DPP7: variants seen among roughly 807,000 people sequenced by gnomAD.
DPP7 encodes dipeptidyl peptidase 2.
Under a neutral mutation model 58.8 loss-of-function variants are expected in DPP7, and 74 were observed. The observed-to-expected ratio is 1.26, with a 90% CI of 1.04 to 1.53. The LOEUF is 1.53. Among genes scored for constraint, DPP7 ranks in the 40% most tolerant of loss-of-function variants. The pLI, the probability that DPP7 is intolerant of heterozygous loss-of-function variation, is 0.00. For synonymous variants in DPP7, 350 were observed against 303.6 expected (o/e 1.15, Z -1.59); for missense variants, 807 against 692.3 (o/e 1.17, Z -1.86).
intron 10 of DPP7, 32 bp downstream of exon 10, chr9:137,111,838 AAGC>A (rs1332586796): frequency 3.1e-6 from 5 of 1,612,244 alleles, no homozygotes; most frequent in Middle Eastern, 1.6e-4. Context: ...TCGGGGCAGA[AAGC>A]AGGACGCTGG....
rs578202831 is a variant in DPP7 at position 137,114,234 on chromosome 9, G to C, written c.321+9C>G. 6.0e-6 allele frequency: 9 copies of C among 1,506,226 alleles called. 1 individual carries two copies. The East Asian group carries it at 2.5e-4, about 42-fold the overall frequency. The allele number at this position is 1,506,226 out of a possible 1,614,324, so 93.3% of individuals were successfully genotyped here. ...CGCGACCCCGCCCGCGACCCCGCCC[G>C]GCACCCACGTGCTCCGCGAAGACCA... On this transcript the variant is annotated intron_variant, in intron 3 of 12. Transcript: ENST00000371579.
upstream of DPP7, among the ~76,000 whole-genome samples, chr9:137,116,093 G>A (rs1490145975): frequency 2.6e-5 from 4 of 152,150 alleles, no homozygotes; most frequent in African/African-American, 4.8e-5. Context: ...GACGCTCCAG[G>A]CTTGGCTGGG....
At position 137,112,824 on chromosome 9, in the gene DPP7, G is replaced by A. The variant is rs75417246; in HGVS notation, c.871-19C>T. The A allele has an allele frequency of 6.1e-4, 986 of 1,607,944 alleles. 5 individuals are homozygous for A. The African/African-American group carries it at 0.011, about 19-fold the overall frequency. On this transcript the variant is annotated intron_variant, in intron 7 of 12. Transcript: ENST00000371579. The stretch of plus-strand genomic sequence containing the variant: ...AGCCCACCTGGAGTGCAGGGGCAGC[G>A]GCGACTCAGCGGGGTCCCCTCCACC...
At chr9:137,114,763 G>T, upstream of DPP7, 1 of 1,237,786 alleles carries the variant, frequency 8.1e-7, no homozygotes, top group Non-Finnish European at 1.0e-6. Context: ...GGGGCCGCCA[G>T]GGCGCGCTCC....
Position 137,110,980 on chromosome 9 carries a change from T to A in DPP7, c.1273-30A>T, listed in dbSNP as rs756485972. The A allele has an allele frequency of 4.8e-5, 78 of 1,608,484 alleles. 2 individuals carry two copies. In the East Asian group the frequency reaches 1.7e-3, roughly 35 times the overall value. ...GGTCAGTGGAAAGAACTCCATCAGG[T>A]GAGGAACGAGGCAACTGCCCAGCCT... On this transcript the variant is annotated intron_variant, in intron 11 of 12. Coordinates refer to ENST00000371579, the MANE Select transcript of DPP7 (RefSeq NM_013379.3).
At chr9:137,112,321 C>CA in intron 8 of DPP7, 91 bp from the exon 9 acceptor site, 1 of 1,088,214 alleles carries the variant, frequency 9.2e-7, no homozygotes, top group Non-Finnish European at 1.3e-6. Context: ...AATGGTCCTG[C>CA]AGGGGATCTG....
At position 137,114,272 on chromosome 9, in the gene DPP7, G is replaced by A. The variant is rs370554959; in HGVS notation, c.292C>T (p.Arg98Trp). ...TCCGCGAAGACCAGTAGAGCCCCCC[G>A]CTCGGCCGCCAGCTCCGCGACGAAG... ...SAFVAELAAERGALLVFAEHR... is the reference protein window; with the variant it reads ...SAFVAELAAEWGALLVFAEHR... Residue 98 changes from arginine (R) to tryptophan (W), a missense_variant, in exon 3 of 13, where the codon CGG becomes TGG. Arg to Trp is a moderately radical substitution (Grantham distance 101). This residue lies in a region of DPP7 where 15 missense variants were observed against 37.0 expected (regional missense o/e 0.41). Coordinates refer to ENST00000371579, the MANE Select transcript of DPP7 (RefSeq NM_013379.3). The A allele has an allele frequency of 5.0e-6, 8 of 1,600,762 alleles. No individual in the cohort carries two copies. Among genetic ancestry groups the A allele is most frequent in the Middle Eastern group, 1.9e-4 (1 of 5,220 alleles).
chr9:137,112,629 T>C (rs760381951), intron 8 of DPP7, 116 bp downstream of exon 8: 162 of 1,281,176 alleles, frequency 1.3e-4, no homozygotes, highest in Non-Finnish European at 1.7e-4. Context: ...ACCACAGCCC[T>C]GGGGCAGGAG....
rs1397891469 is a variant in DPP7 at position 137,113,647 on chromosome 9, G to C, written c.486-151C>G. The C allele has an allele frequency of 4.9e-6, 7 of 1,428,724 alleles. No homozygotes were observed. In the African/African-American group the frequency reaches 7.2e-5, roughly 15 times the overall value. 88.5% of individuals were successfully genotyped at this position (1,428,724 alleles called of 1,614,324 possible). On this transcript the variant is annotated intron_variant, in intron 4 of 12. Transcript: ENST00000371579. ...CCAGGTGCGGGTGCAGCTCTCACTGGGAAAGGCCGCTAGTGTGGCCGCACA... is the reference window on the plus strand; with the variant it reads ...CCAGGTGCGGGTGCAGCTCTCACTGCGAAAGGCCGCTAGTGTGGCCGCACA...
chr9:137,112,365 GC>G, intron 8 of DPP7, 135 bp from the exon 9 acceptor site: 1 of 740,672 alleles, frequency 1.4e-6, no homozygotes, highest in Non-Finnish European at 2.2e-6. Context: ...AGTGAGGAAG[GC>G]CCTCCAGGCT....
At chr9:137,115,560 A>G (rs1271442696), upstream of DPP7, among the ~76,000 whole-genome samples, 2 of 152,128 alleles carry the variant, frequency 1.3e-5, no homozygotes, top group African/African-American at 4.8e-5. Context: ...GGGCTCAGCT[A>G]CAGAGAGTTA....
In DPP7 at chr9:137,111,772, A is replaced by G. The variant is rs1317816732; in HGVS notation, c.1208-18T>C. 1.9e-6 allele frequency: 3 copies of G among 1,613,704 alleles called. No individual in the cohort carries two copies. In the South Asian group the frequency reaches 3.3e-5, roughly 18 times the overall value. On this transcript the variant is annotated intron_variant, in intron 10 of 12. Coordinates refer to ENST00000371579, the MANE Select transcript of DPP7 (RefSeq NM_013379.3). Reference sequence around the variant, plus strand: ...TCTGAGATCTGCAAGGGGCAGAGAAAGTTGTGATGTGGGCCCCTCACGGGG... The same window carrying G: ...TCTGAGATCTGCAAGGGGCAGAGAAGGTTGTGATGTGGGCCCCTCACGGGG...
At chr9:137,111,262 G>A (rs59796914) in intron 11 of DPP7, among the ~76,000 whole-genome samples, 2,052 of 45,442 alleles carry the variant, frequency 0.045, 8 homozygotes, top group Admixed American at 0.081. Flanking sequence ...AGCAGGGTAG[G>A]GGCAGGCGAG....
At position 137,112,159 on chromosome 9, in the gene DPP7, G is replaced by A. The variant is rs757654988; in HGVS notation, c.1003C>T (p.Pro335Ser). The A allele has an allele frequency of 6.2e-7, 1 of 1,609,668 alleles. No homozygotes were observed. Among genetic ancestry groups the A allele is most frequent in the Admixed American group, 1.7e-5 (1 of 59,958 alleles). ...IYRLYHSCAD[P>S]TGCGTGPDAR... ...TCGGGGCCGGTGCCGCAGCCAGTGG[G>A]GTCAGCACAGCTGTGGTAGAGCCGG... The change falls in exon 9 of 13, where the codon CCC (proline) becomes TCC (serine). Residue 335 changes from proline (P) to serine (S), a missense_variant. Around this residue, in one of 3 missense-constraint regions of DPP7, gnomAD observed 624 missense variants for 531.2 expected, o/e 1.17. Transcript: ENST00000371579.
chr9:137,113,523 T>C, intron 4 of DPP7, 27 bp from the exon 5 acceptor site: 9 of 1,524,078 alleles, frequency 5.9e-6, no homozygotes, highest in Non-Finnish European at 7.9e-6. Flanking sequence ...GGGTTAGGGC[T>C]GCTGCCCCCA....
upstream of DPP7, among the ~76,000 whole-genome samples, chr9:137,116,251 C>T (rs1259439023): frequency 6.6e-6 from 1 of 152,246 alleles, no homozygotes; most frequent in African/African-American, 2.4e-5. Flanking sequence ...CATGGGGCTA[C>T]CCAGCATGGC....
At chr9:137,115,610 C>T (rs1831611862), upstream of DPP7, among the ~76,000 whole-genome samples, 1 of 152,272 alleles carries the variant, frequency 6.6e-6, no homozygotes, top group South Asian at 2.1e-4. Flanking sequence ...CCAGCATGAC[C>T]CTGCCCTGCC....
upstream of DPP7, chr9:137,114,743 G>T (rs1414350853): frequency 1.6e-6 from 2 of 1,265,892 alleles, no homozygotes; most frequent in East Asian, 6.4e-5. Flanking sequence ...CGTCACGTGG[G>T]CGGGGTCACG....
chr9:137,114,440 C>T, intron 2 of DPP7, 23 bp downstream of exon 2: 1 of 1,557,200 alleles, frequency 6.4e-7, no homozygotes, highest in African/African-American at 1.4e-5. Context: ...GCGGGGGCGG[C>T]CGGGCCGGGG....
Sources: gnomAD v4.1 joint callset for allele counts (sites outside exome capture counted in the v4.1 genomes callset) on GRCh38, gnomAD v4.1.1 for gene constraint, gnomAD v4.1.1 regional missense constraint, MANE v1.5 for transcripts, NCBI Gene and HGNC (gene_info 2026-07-23, HGNC 2026-07-21) for gene names.